The following PSMD10 variants were observed in gnomAD, a reference collection of about 807,000 sequenced individuals.
PSMD10 encodes the protein 26S proteasome non-ATPase regulatory subunit 10.
In PSMD10, 2 loss-of-function variants were observed where a neutral mutation model predicts 13.2. The ratio of observed to expected loss-of-function variants is 0.15; its 90% CI spans 0.06 to 0.48. The LOEUF is 0.48. Ranked by LOEUF, PSMD10 falls within the 20% of genes least tolerant of loss-of-function variation. The pLI is 0.97. For missense variants in PSMD10, 120 were observed against 167.4 expected, an observed-to-expected ratio of 0.72 and a Z score of 1.56; for synonymous variants, 66 against 64.4, an observed-to-expected ratio of 1.03 and a Z score of -0.12.
In PSMD10 at chrX:108,084,993, TTGAG is replaced by T; in HGVS notation, c.658_661del (p.Leu220ArgfsTer37). On this transcript the variant is annotated frameshift_variant, in exon 5 of 5. Coordinates refer to ENST00000217958, the MANE Select transcript of PSMD10 (RefSeq NM_002814.4). LOFTEE classifies it high-confidence loss of function. ...AGCTGTTTAACCTTCCACCATTCTC[TTGAG>T]TATTAAACCCAGGCCACCTTTGGCC... The T allele has an allele frequency of 8.3e-7, 1 of 1,204,903 alleles. No homozygotes were observed. The highest frequency in any genetic ancestry group is 1.1e-6 in the Non-Finnish European group (1 of 892,675).
chrX:108,088,909 A>G (rs1352955512), intron 1 of PSMD10, 59 bp from the exon 2 acceptor site: 1 of 908,994 alleles, frequency 1.1e-6, no homozygotes, highest in African/African-American at 2.0e-5. Flanking sequence ...GCAAGAAAAA[A>G]AATACTGGTG....
chrX:108,088,934 G>A (rs1323846498), intron 1 of PSMD10, 84 bp from the exon 2 acceptor site: 75 of 755,211 alleles, frequency 9.9e-5, no homozygotes, highest in Non-Finnish European at 3.9e-5. Flanking sequence ...CAAATCTATA[G>A]TTTGAAAATA....
rs755112705 is a variant in PSMD10, at chrX:108,085,147, G to T, written c.528-20C>A. 2 of 1,179,863 alleles carry T rather than the reference G, an allele frequency of 1.7e-6. No homozygotes were observed. The highest frequency in any genetic ancestry group is 2.4e-5 in the Admixed American group (1 of 41,478). On this transcript the variant is annotated intron_variant, in intron 4 of 4. Transcript: ENST00000217958. ...AAGTGTCTGAAATCAGGGACCACCA[G>T]AGACCAATTAATCACTACCAATTCT...
rs751997206 is a variant in PSMD10 at position 108,088,659 on chromosome X, T to C, written c.213+93A>G. The C allele has an allele frequency of 1.5e-4, 102 of 693,038 alleles. No homozygotes were observed. The South Asian group carries it at 3.2e-3, about 22-fold the overall frequency. 57.1% of individuals were successfully genotyped at this position (693,038 alleles called of 1,213,427 possible). ...TCCAGTCATAAAGGTTACAATTTTC[T>C]TTATAAGCTTAATGCACAGGCTTCA... On this transcript the variant is annotated intron_variant, in intron 2 of 4. Coordinates refer to ENST00000217958, the MANE Select transcript of PSMD10 (RefSeq NM_002814.4).
chrX:108,091,321 C>G (rs1045476154), intron 1 of PSMD10, 86 bp downstream of exon 1: 2 of 892,579 alleles, frequency 2.2e-6, no homozygotes, highest in Admixed American at 2.3e-5. Flanking sequence ...CTCTCAGAAA[C>G]GGGGCCTCCG....
chrX:108,084,805 TA>T lies in PSMD10; in HGVS notation c.*168del. 2.0e-6 allele frequency: 1 copy of T among 498,684 alleles called. No individual in the cohort carries two copies. Among genetic ancestry groups the T allele is most frequent in the Non-Finnish European group, 3.1e-6 (1 of 322,660 alleles). 41.1% of individuals were successfully genotyped at this position (498,684 alleles called of 1,213,427 possible). A position where few individuals can be genotyped will look rare whatever the true frequency, so the allele number is the denominator to read the frequency against. On this transcript the variant is annotated 3_prime_UTR_variant, in exon 5 of 5. Transcript: ENST00000217958. ...TATTCGATGCCTGGAAAACAAGCTG[TA>T]AGCTTCGAACAAGTAACTCAGCAGG...
chrX:108,090,042 A>G (rs2031558178), intron 1 of PSMD10, among the ~76,000 whole-genome samples: 1 of 111,997 alleles, frequency 8.9e-6, no homozygotes, highest in Non-Finnish European at 1.9e-5. Context: ...AGATTTAACA[A>G]CAAACATCTT....
At chrX:108,090,919 A>T (rs1426457175) in intron 1 of PSMD10, among the ~76,000 whole-genome samples, 1 of 111,812 alleles carries the variant, frequency 8.9e-6, no homozygotes, top group Non-Finnish European at 1.9e-5. Flanking sequence ...CGTGTTCTGA[A>T]AGCACCATGT....
chrX:108,090,302 A>G (rs2031568974), intron 1 of PSMD10, among the ~76,000 whole-genome samples: 1 of 112,139 alleles, frequency 8.9e-6, no homozygotes, highest in Admixed American at 9.4e-5. Context: ...TAAATCAGGA[A>G]CCAGACGAGA....
chrX:108,086,695 C>T (rs2031500687), intron 4 of PSMD10, among the ~76,000 whole-genome samples: 1 of 110,850 alleles, frequency 9.0e-6, no homozygotes, highest in Non-Finnish European at 1.9e-5. Flanking sequence ...TATAAATTAC[C>T]TCTATGAAAT....
intron 3 of PSMD10, 21 bp downstream of exon 3, chrX:108,087,932 T>C (rs760135076): frequency 2.5e-6 from 3 of 1,211,665 alleles, no homozygotes; most frequent in South Asian, 1.8e-5. Context: ...TCAACAGAAG[T>C]AGCCTAGGAT....
Position 108,084,801 on chromosome X carries a change from G to T in PSMD10, c.*173C>A. On this transcript the variant is annotated 3_prime_UTR_variant, in exon 5 of 5. Transcript: ENST00000217958. ...CAGTTATTCGATGCCTGGAAAACAA[G>T]CTGTAAGCTTCGAACAAGTAACTCA... 2.1e-6 allele frequency: 1 copy of T among 470,884 alleles called. No homozygotes were observed. The highest frequency in any genetic ancestry group is 3.4e-6 in the Non-Finnish European group (1 of 298,109). The allele number at this position is 470,884 out of a possible 1,213,427, so 38.8% of individuals were successfully genotyped here. A position where few individuals can be genotyped will look rare whatever the true frequency, so the allele number is the denominator to read the frequency against.
chrX:108,090,238 G>T (rs757482571), intron 1 of PSMD10, among the ~76,000 whole-genome samples: 1 of 112,037 alleles, frequency 8.9e-6, no homozygotes, highest in African/African-American at 3.2e-5. Context: ...TATCCGGTCT[G>T]TATTCAGATT....
chrX:108,084,972 G>C lies in PSMD10; in HGVS notation c.*2C>G, dbSNP rs779230915. The C allele has an allele frequency of 1.7e-6, 2 of 1,196,668 alleles. No individual in the cohort carries two copies. The highest frequency in any genetic ancestry group is 3.7e-5 in the South Asian group (2 of 53,501). On this transcript the variant is annotated 3_prime_UTR_variant, in exon 5 of 5. Transcript: ENST00000217958. ...TACAAAGTAAGAATAAATCCAAGCTGTTTAACCTTCCACCATTCTCTTGAG... is the reference window on the plus strand; with the variant it reads ...TACAAAGTAAGAATAAATCCAAGCTCTTTAACCTTCCACCATTCTCTTGAG...
In PSMD10 at chrX:108,087,850, G is replaced by A. The variant is rs1459928140; in HGVS notation, c.363C>T (p.Ile121=). ...CCCCGCCTTCCAGTAACATGACAGC[G>A]ATCTGGAAAGATGGAGAAGAAAGAA... ...HYAASKNRHE[I]AVMLLEGGAN... Residue 121 remains isoleucine, a splice_region_variant and synonymous_variant, in exon 4 of 5, where the codon ATC becomes ATT. Coordinates refer to ENST00000217958, the MANE Select transcript of PSMD10 (RefSeq NM_002814.4). 6 of 1,210,876 alleles carry A rather than the reference G, an allele frequency of 5.0e-6. No individual in the cohort carries two copies. The highest frequency in any genetic ancestry group is 5.6e-6 in the Non-Finnish European group (5 of 894,699).
intron 1 of PSMD10, among the ~76,000 whole-genome samples, chrX:108,091,192 G>A (rs1217755736): frequency 8.8e-6 from 1 of 113,530 alleles, no homozygotes; most frequent in African/African-American, 3.2e-5. Context: ...ATCAGGGAGC[G>A]GAGCTCCGGG....
At chrX:108,088,512 C>T (rs2031526010) in intron 2 of PSMD10, 1 of 353,728 alleles carries the variant, frequency 2.8e-6, no homozygotes, top group African/African-American at 2.6e-5. Context: ...TGGAGCAATC[C>T]TCCTACCTCA....
rs2147945431 is a variant in PSMD10 at position 108,091,455 on chromosome X, C to T, written c.66G>A (p.Leu22=). ...NLAYSGKLEE[L]KESILADKSL... is the part of the protein sequence containing the mutation. ...ATTTATCGGCCAGAATACTCTCCTT[C>T]AACTCTTCCAGCTTCCCGCTGTAGG... The change falls in exon 1 of 5, where the codon TTG becomes TTA. Residue 22 remains leucine, a synonymous_variant. Coordinates refer to ENST00000217958, the MANE Select transcript of PSMD10 (RefSeq NM_002814.4). The T allele has an allele frequency of 8.3e-7, 1 of 1,211,472 alleles. No individual in the cohort carries two copies.
chrX:108,091,264 G>A lies in PSMD10; in HGVS notation c.114+143C>T. ...CCCGCAGGCCTATCGCGAGTCCCGA[G>A]GTGACCCAGGGGGACTGCTTGGGGC... On this transcript the variant is annotated intron_variant, in intron 1 of 4. Transcript: ENST00000217958. The A allele has an allele frequency of 4.8e-5, 25 of 520,327 alleles. No individual in the cohort carries two copies. The South Asian group carries it at 6.7e-4, about 14-fold the overall frequency. The allele number at this position is 520,327 out of a possible 1,213,427, so 42.9% of individuals were successfully genotyped here. A position where few individuals can be genotyped will look rare whatever the true frequency, so the allele number is the denominator to read the frequency against.
Sources: allele counts gnomAD v4.1 joint callset (sites outside exome capture counted in the v4.1 genomes callset), GRCh38; gene constraint gnomAD v4.1.1; transcripts MANE v1.5; gene names NCBI Gene and HGNC (gene_info 2026-07-23, HGNC 2026-07-21).